Variants in DOCK3 observed in about 807,000 individuals in gnomAD.
DOCK3 encodes dedicator of cytokinesis protein 3.
A neutral mutation model predicts 265.6 loss-of-function variants in DOCK3; 60 were observed. The observed-to-expected ratio is 0.23, with a 90% confidence interval of 0.18 to 0.28. The LOEUF (loss-of-function observed/expected upper bound fraction) is 0.28, where lower values mean the gene tolerates loss of function less well. DOCK3 is among the 10% of genes least tolerant of loss of function. The pLI is 1.00. For synonymous variants in DOCK3, 881 were observed against 938.0 expected, an observed-to-expected ratio of 0.94 and a Z score of 1.11; for missense variants, 1,981 against 2,594.3, an observed-to-expected ratio of 0.76 and a Z score of 5.14.
intron 5 of DOCK3, among the ~76,000 whole-genome samples, chr3:50,941,915 T>C (rs1395384188): frequency 2.6e-5 from 4 of 152,244 alleles, no homozygotes; most frequent in African/African-American, 9.6e-5. Flanking sequence ...AGAGTGTGAC[T>C]GTTAAGGCTT....
chr3:51,259,381 G>C (rs1475319755), intron 22 of DOCK3, among the ~76,000 whole-genome samples: 1 of 152,254 alleles, frequency 6.6e-6, no homozygotes, highest in East Asian at 1.9e-4. Flanking sequence ...TCAGTGTCTG[G>C]GAAATCTGTG....
intron 5 of DOCK3, among the ~76,000 whole-genome samples, chr3:51,031,196 A>T (rs1559965210): frequency 1.3e-5 from 2 of 152,128 alleles, no homozygotes; most frequent in Non-Finnish European, 2.9e-5. Flanking sequence ...CTTTGTTGGT[A>T]ATAGATATTT....
At chr3:50,837,924 A>C (rs1258990956) in intron 2 of DOCK3, among the ~76,000 whole-genome samples, 3 of 152,112 alleles carry the variant, frequency 2.0e-5, no homozygotes, top group Non-Finnish European at 4.4e-5. Context: ...AAGCAGAGAG[A>C]GTGGTGGAAG....
At chr3:50,718,260 A>C (rs184332925) in intron 1 of DOCK3, among the ~76,000 whole-genome samples, 1 of 152,154 alleles carries the variant, frequency 6.6e-6, no homozygotes, top group Non-Finnish European at 1.5e-5. Flanking sequence ...CCTCAAAACT[A>C]TCCTGTTTCC....
intron 12 of DOCK3, among the ~76,000 whole-genome samples, chr3:51,186,741 T>C (rs1251747076): frequency 6.6e-6 from 1 of 152,192 alleles, no homozygotes; most frequent in Non-Finnish European, 1.5e-5. Flanking sequence ...AAGGGGCCAA[T>C]GTAAACCTTG....
Position 50,866,006 on chromosome 3 carries a change from A to AT in DOCK3, c.163-24013dup, listed in dbSNP as rs567062377. On this transcript the variant is annotated intron_variant, in intron 3 of 52. Coordinates refer to ENST00000266037, the MANE Select transcript of DOCK3 (RefSeq NM_004947.5). Reference sequence around the variant, plus strand: ...GCCCATTTTTTGATCAGATTATTCGATTTTTTTCCTATAGAGTTGTTTGAG... The same window carrying AT: ...GCCCATTTTTTGATCAGATTATTCGATTTTTTTTCCTATAGAGTTGTTTGAG... Among the ~76,000 whole-genome samples the AT allele has an allele frequency of 7.3e-5, 11 of 151,618 alleles. 1 individual carries two copies. Among genetic ancestry groups the AT allele is most frequent in the African/African-American group, 2.7e-4 (11 of 41,138 alleles).
chr3:50,951,801 AT>A (rs1437419883), intron 5 of DOCK3, among the ~76,000 whole-genome samples: 3 of 151,748 alleles, frequency 2.0e-5, no homozygotes, highest in African/African-American at 7.3e-5. Flanking sequence ...GAAAAAAAAA[AT>A]AATACATAAG....
At chr3:51,142,021 A>G (rs1320868766) in intron 9 of DOCK3, among the ~76,000 whole-genome samples, 2 of 151,512 alleles carry the variant, frequency 1.3e-5, no homozygotes, top group Non-Finnish European at 2.9e-5. Context: ...AAAACTCACA[A>G]CTTATTTGTA....
intron 4 of DOCK3, among the ~76,000 whole-genome samples, chr3:50,933,741 T>C (rs1461325053): frequency 1.3e-5 from 2 of 152,198 alleles, no homozygotes; most frequent in South Asian, 2.1e-4. Context: ...GTTTTAAGGA[T>C]AGCATTTATA....
chr3:50,843,889 T>C (rs2107290670), intron 3 of DOCK3, among the ~76,000 whole-genome samples: 1 of 152,292 alleles, frequency 6.6e-6, no homozygotes, highest in South Asian at 2.1e-4. Flanking sequence ...ACCAGTTATT[T>C]AGTGTTTGTA....
intron 10 of DOCK3, among the ~76,000 whole-genome samples, chr3:51,148,980 G>T (rs537842590): frequency 1.3e-5 from 2 of 152,316 alleles, no homozygotes; most frequent in African/African-American, 4.8e-5. Flanking sequence ...CATGAGCATG[G>T]AATATTCTTC....
intron 27 of DOCK3, among the ~76,000 whole-genome samples, chr3:51,309,332 G>A (rs9845500): frequency 0.82 from 125,049 of 152,164 alleles, 51,980 homozygotes; most frequent in Middle Eastern, 0.9. Context: ...CTGCAATCCC[G>A]GCACCTCAGG....
chr3:50,911,791 C>T (rs1412370675), intron 4 of DOCK3, among the ~76,000 whole-genome samples: 1 of 152,018 alleles, frequency 6.6e-6, no homozygotes, highest in Non-Finnish European at 1.5e-5. Context: ...CAATATTCTT[C>T]CTATTCATGA....
chr3:51,132,825 G>A (rs1404131657), intron 9 of DOCK3, among the ~76,000 whole-genome samples: 1 of 152,136 alleles, frequency 6.6e-6, no homozygotes, highest in East Asian at 1.9e-4. Flanking sequence ...TGATGAAGCT[G>A]GGGACACTGA....
At position 50,816,568 on chromosome 3, in the gene DOCK3, G is replaced by A. The variant is rs556222646; in HGVS notation, c.122-25107G>A. On this transcript the variant is annotated intron_variant, in intron 2 of 52. Coordinates refer to ENST00000266037, the MANE Select transcript of DOCK3 (RefSeq NM_004947.5). ...ACTCCTGACCTCAGGTGATCTGCCCGCCTTGGCCTCCCAAAGTGCTGGGAT... is the reference window on the plus strand; with the variant it reads ...ACTCCTGACCTCAGGTGATCTGCCCACCTTGGCCTCCCAAAGTGCTGGGAT... 3.8e-3 allele frequency among the ~76,000 whole-genome samples: 574 copies of A among 152,000 alleles called. 2 individuals carry two copies. Among genetic ancestry groups the A allele is most frequent in the African/African-American group, 0.013 (531 of 41,482 alleles).
At chr3:50,695,814 A>G (rs1029349694) in intron 1 of DOCK3, among the ~76,000 whole-genome samples, 2 of 152,208 alleles carry the variant, frequency 1.3e-5, no homozygotes, top group African/African-American at 4.8e-5. Flanking sequence ...GAAAAACTTC[A>G]GCTGAATTCA....
chr3:50,823,077 C>T (rs946583952), intron 2 of DOCK3, among the ~76,000 whole-genome samples: 2 of 151,754 alleles, frequency 1.3e-5, no homozygotes, highest in Non-Finnish European at 2.9e-5. Context: ...CTTTTAAATG[C>T]CTTTGACAGA....
chr3:51,176,516 C>T (rs2086963840), intron 12 of DOCK3, among the ~76,000 whole-genome samples: 1 of 151,988 alleles, frequency 6.6e-6, no homozygotes, highest in Non-Finnish European at 1.5e-5. Context: ...GTCCCAGCTA[C>T]TGGGGAGGCT....
chr3:50,900,068 G>A (rs2049101833), intron 4 of DOCK3, among the ~76,000 whole-genome samples: 1 of 152,182 alleles, frequency 6.6e-6, no homozygotes, highest in African/African-American at 2.4e-5. Context: ...CCTGAAGAGT[G>A]TTTTACAACT....
Sources: gnomAD v4.1 joint callset for allele counts (sites outside exome capture counted in the v4.1 genomes callset) on GRCh38, gnomAD v4.1.1 for gene constraint, MANE v1.5 for transcripts, NCBI Gene and HGNC (gene_info 2026-07-23, HGNC 2026-07-21) for gene names.